HPSE2: variants seen among roughly 807,000 people sequenced by gnomAD.
HPSE2 encodes the protein heparanase 2 (inactive).
In HPSE2, 38 loss-of-function variants were observed where a neutral mutation model predicts 60.5. The ratio of observed to expected loss-of-function variants is 0.63; its 90% CI spans 0.48 to 0.82. HPSE2 has a LOEUF of 0.82. Ranked by LOEUF, HPSE2 falls within the 40% of genes least tolerant of loss-of-function variation. The pLI is 0.00. For synonymous variants in HPSE2, 295 were observed against 293.2 expected (o/e 1.01, Z -0.06); for missense variants, 713 against 740.4 (o/e 0.96, Z 0.43).
chr10:98,870,109 T>A (rs965557345), intron 3 of HPSE2, among the ~76,000 whole-genome samples: 1 of 152,304 alleles, frequency 6.6e-6, no homozygotes, highest in Non-Finnish European at 1.5e-5. Context: ...AGGTCACATA[T>A]AATGTAGAAA....
the HPSE2 span, among the ~76,000 whole-genome samples, chr10:99,268,555 A>G: frequency 4.0e-5 from 6 of 151,766 alleles, no homozygotes; most frequent in Non-Finnish European, 7.4e-5. Context: ...CTGAGGCAGA[A>G]GAATCACTTG....
At chr10:98,844,320 G>A (rs1268688657) in intron 3 of HPSE2, among the ~76,000 whole-genome samples, 1 of 152,198 alleles carries the variant, frequency 6.6e-6, no homozygotes, top group African/African-American at 2.4e-5. Flanking sequence ...GGAGTGGTCA[G>A]TCTTTAGACT....
At chr10:98,633,759 T>C (rs1043906027) in intron 7 of HPSE2, among the ~76,000 whole-genome samples, 2 of 152,260 alleles carry the variant, frequency 1.3e-5, no homozygotes, top group South Asian at 2.1e-4. Flanking sequence ...CTAACCCTCA[T>C]GTTATTCAAG....
intron 3 of HPSE2, among the ~76,000 whole-genome samples, chr10:98,776,540 A>G (rs957479946): frequency 6.6e-6 from 1 of 152,222 alleles, no homozygotes; most frequent in Admixed American, 6.5e-5. Context: ...ACAGAATCTA[A>G]CAATAAGGAA....
At chr10:98,958,147 G>A (rs1340056198) in intron 3 of HPSE2, among the ~76,000 whole-genome samples, 1 of 152,116 alleles carries the variant, frequency 6.6e-6, no homozygotes, top group Non-Finnish European at 1.5e-5. Flanking sequence ...TGCCCTATAA[G>A]GCTAGTGTCT....
rs540124835 is a variant in HPSE2 at position 98,587,182 on chromosome 10, CA to C, written c.1320+27721del. Reference sequence around the variant, plus strand: ...TGCCAGTTTCTTCCCTGAAATTTCACAACACTCTGAACATACTTTCATTTGA... The same window carrying C: ...TGCCAGTTTCTTCCCTGAAATTTCACACACTCTGAACATACTTTCATTTGA... On this transcript the variant is annotated intron_variant, in intron 9 of 11. Transcript: ENST00000370552. Among the ~76,000 whole-genome samples, 31 of 152,314 alleles carry C rather than the reference CA, an allele frequency of 2.0e-4. No homozygotes were observed. In the East Asian group the frequency reaches 5.4e-3, roughly 27 times the overall value.
At chr10:98,985,105 G>A (rs952218268) in intron 3 of HPSE2, among the ~76,000 whole-genome samples, 1 of 152,108 alleles carries the variant, frequency 6.6e-6, no homozygotes, top group African/African-American at 2.4e-5. Flanking sequence ...AATCTAGCAA[G>A]GCACGCCAAC....
In HPSE2 at chr10:99,126,751, C is replaced by T. The variant is rs1166128472; in HGVS notation, c.610+17487G>A. On this transcript the variant is annotated intron_variant, in intron 3 of 11. Transcript: ENST00000370552. The surrounding 1 kb of genome is among the most constrained non-coding windows in gnomAD (Gnocchi z 4.0). Reference sequence around the variant, plus strand: ...GGACCCTGACACAGTCTAGTTTACTCCCCTGCCACCTCCACCACAGCAGAC... The same window carrying T: ...GGACCCTGACACAGTCTAGTTTACTTCCCTGCCACCTCCACCACAGCAGAC... Among the ~76,000 whole-genome samples the T allele has an allele frequency of 6.6e-6, 1 of 152,178 alleles. No homozygotes were observed. The highest frequency in any genetic ancestry group is 1.5e-5 in the Non-Finnish European group (1 of 68,030).
At chr10:98,684,151 G>C (rs1345405635) in intron 6 of HPSE2, among the ~76,000 whole-genome samples, 1 of 151,990 alleles carries the variant, frequency 6.6e-6, no homozygotes, top group Non-Finnish European at 1.5e-5. Context: ...ACCTCAAAAA[G>C]GGCACAAATC....
chr10:98,507,024 T>C (rs1942224939), intron 9 of HPSE2, among the ~76,000 whole-genome samples: 1 of 152,268 alleles, frequency 6.6e-6, no homozygotes, highest in South Asian at 2.1e-4. Context: ...TTTTTGCTTT[T>C]ATAAATATCT....
intron 9 of HPSE2, among the ~76,000 whole-genome samples, chr10:98,600,927 A>ATATATATATAG (rs1565003152): frequency 3.9e-5 from 1 of 25,772 alleles, no homozygotes; most frequent in Non-Finnish European, 2.3e-4. Context: ...ATATATATAT[A>ATATATATATAG]TATATATATA....
rs148637660 is a variant in HPSE2 at position 98,579,327 on chromosome 10, T to C, written c.1320+35577A>G. Among the ~76,000 whole-genome samples the C allele has an allele frequency of 2.6e-3, 391 of 152,342 alleles. 1 individual carries two copies. Among genetic ancestry groups the C allele is most frequent in the African/African-American group, 8.4e-3 (349 of 41,568 alleles). On this transcript the variant is annotated intron_variant, in intron 9 of 11. Transcript: ENST00000370552. ...AATAGCCTAGAAATAGAGGATTTAA[T>C]ATGCAAGCAAAATCTAGAATGGGAA...
At chr10:98,519,763 A>AC (rs1267656445) in intron 9 of HPSE2, among the ~76,000 whole-genome samples, 1 of 152,208 alleles carries the variant, frequency 6.6e-6, no homozygotes, top group Non-Finnish European at 1.5e-5. Context: ...AGCCACAGAG[A>AC]CATTTTCTTG....
chr10:98,888,555 G>T lies in HPSE2; in HGVS notation c.611-144499C>A, dbSNP rs190128210. ...TTGAACAAGTCAATTAACTTCTCTG[G>T]GCTTCAGTTTTCTCATCTGTAAACC... On this transcript the variant is annotated intron_variant, in intron 3 of 11. Transcript: ENST00000370552. Among the ~76,000 whole-genome samples the T allele has an allele frequency of 6.6e-4, 100 of 152,026 alleles. 1 individual carries two copies. Among genetic ancestry groups the T allele is most frequent in the Non-Finnish European group, 7.4e-5 (5 of 67,966 alleles).
At chr10:98,623,277 T>G (rs1380783999) in intron 7 of HPSE2, among the ~76,000 whole-genome samples, 3 of 152,146 alleles carry the variant, frequency 2.0e-5, no homozygotes, top group African/African-American at 4.8e-5. Flanking sequence ...GGCAAATTCA[T>G]AGAGACAATA....
At chr10:99,208,676 T>C (rs1171232086) in intron 2 of HPSE2, among the ~76,000 whole-genome samples, 1 of 136,936 alleles carries the variant, frequency 7.3e-6, no homozygotes, top group African/African-American at 2.5e-5. Context: ...CAGAGTGAGA[T>C]CCAGTCTCAA....
At chr10:99,063,561 G>A (rs1414902655) in intron 3 of HPSE2, among the ~76,000 whole-genome samples, 1 of 152,136 alleles carries the variant, frequency 6.6e-6, no homozygotes, top group African/African-American at 2.4e-5. Context: ...TCCCTGTACT[G>A]TTTAAAATGT....
At chr10:99,204,813 A>G (rs1156294980) in intron 2 of HPSE2, among the ~76,000 whole-genome samples, 1 of 152,248 alleles carries the variant, frequency 6.6e-6, no homozygotes, top group African/African-American at 2.4e-5. Context: ...AATGTTAAGT[A>G]TGGCATGAAT....
intron 3 of HPSE2, among the ~76,000 whole-genome samples, chr10:98,946,756 A>T (rs1955196271): frequency 6.6e-6 from 1 of 152,160 alleles, no homozygotes; most frequent in Admixed American, 6.6e-5. Flanking sequence ...GGCAGTATTA[A>T]GCCATAACTA....
Sources: allele counts gnomAD v4.1 joint callset (sites outside exome capture counted in the v4.1 genomes callset), GRCh38; gene constraint gnomAD v4.1.1; non-coding constraint Gnocchi (gnomAD v3.1); transcripts MANE v1.5; gene names NCBI Gene and HGNC (gene_info 2026-07-23, HGNC 2026-07-21).